The following KYNU variants were observed in gnomAD, a reference collection of about 807,000 sequenced individuals.
KYNU encodes the protein L-kynurenine hydrolase.
In KYNU, 54 loss-of-function variants were observed where a neutral mutation model predicts 59.2. The ratio of observed to expected loss-of-function variants is 0.91; its 90% CI spans 0.73 to 1.14. The LOEUF (loss-of-function observed/expected upper bound fraction) is 1.14. Ranked by LOEUF, KYNU falls within the 50% of genes most tolerant of loss-of-function variation. The pLI is 0.00. For missense variants in KYNU, 567 were observed against 554.4 expected, an observed-to-expected ratio of 1.02 and a Z score of -0.23; for synonymous variants, 177 against 192.0, an observed-to-expected ratio of 0.92 and a Z score of 0.65.
At chr2:142,948,556 T>C (rs1316397710) in intron 4 of KYNU, among the ~76,000 whole-genome samples, 1 of 152,190 alleles carries the variant, frequency 6.6e-6, no homozygotes, top group Non-Finnish European at 1.5e-5. Flanking sequence ...ACATCTTATG[T>C]GGATGGCGAC....
chr2:142,911,997 T>TTTG (rs34163854), intron 2 of KYNU, among the ~76,000 whole-genome samples: 23,089 of 151,658 alleles, frequency 0.15, 2,739 homozygotes, highest in African/African-American at 0.33. Flanking sequence ...GACCCGTAAT[T>TTTG]TTGTTGTTGT....
chr2:142,883,077 G>C (rs575341985), intron 1 of KYNU, among the ~76,000 whole-genome samples: 1 of 150,782 alleles, frequency 6.6e-6, no homozygotes, highest in South Asian at 2.1e-4. Flanking sequence ...AGAGCTAAGT[G>C]GTTTTTATTT....
chr2:142,880,870 G>C (rs1681271630), intron 1 of KYNU, among the ~76,000 whole-genome samples: 1 of 152,206 alleles, frequency 6.6e-6, no homozygotes, highest in Admixed American at 6.5e-5. Flanking sequence ...TGTGTGGGGA[G>C]CCATTTAGAA....
At chr2:142,970,010 T>C (rs1441467734) in intron 8 of KYNU, among the ~76,000 whole-genome samples, 2 of 152,182 alleles carry the variant, frequency 1.3e-5, no homozygotes, top group Admixed American at 6.6e-5. Flanking sequence ...TCTAATTTAT[T>C]CTACCCTCCA....
intron 10 of KYNU, among the ~76,000 whole-genome samples, chr2:143,023,641 T>A (rs2105220616): frequency 6.6e-6 from 1 of 152,006 alleles, no homozygotes; most frequent in Middle Eastern, 3.4e-3. Context: ...TGTGAATTTT[T>A]CAAATTATTG....
chr2:142,950,046 T>G (rs1328011711), intron 4 of KYNU, among the ~76,000 whole-genome samples: 1 of 152,226 alleles, frequency 6.6e-6, no homozygotes, highest in Non-Finnish European at 1.5e-5. Context: ...GCCAGTCTCT[T>G]TGCTAAAACA....
At chr2:142,886,987 G>A (rs761148034) in intron 2 of KYNU, among the ~76,000 whole-genome samples, 14 of 152,116 alleles carry the variant, frequency 9.2e-5, no homozygotes, top group African/African-American at 2.9e-4. Flanking sequence ...TGGTTAACAC[G>A]GTGAAACCCC....
At position 143,048,462 on chromosome 2, in the gene KYNU, TTCTCTCTCTCTCTCTCTG is replaced by T. The variant is rs1165469030; in HGVS notation, c.*6305_*6322del. ...TTTAGTCTAGCTTCCTCCCTCCTCT[TTCTCTCTCTCTCTCTCTG>T]TCTCTCTCTCTCTCACTAATGTTTG... is the stretch of plus-strand genomic sequence containing the variant. On this transcript the variant is annotated 3_prime_UTR_variant, in exon 14 of 14. Coordinates refer to ENST00000264170, the MANE Select transcript of KYNU (RefSeq NM_003937.3). The T allele has an allele frequency of 6.7e-5, 10 of 149,826 alleles. No individual in the cohort carries two copies. The highest frequency in any genetic ancestry group is 2.2e-4 in the African/African-American group (9 of 41,032). The allele number at this position is 149,826 out of a possible 1,614,324, so 9.3% of individuals were successfully genotyped here. A position where few individuals can be genotyped will look rare whatever the true frequency, so the allele number is the denominator to read the frequency against.
chr2:142,947,186 A>T, intron 4 of KYNU: 1 of 1,550,996 alleles, frequency 6.4e-7, no homozygotes, highest in Non-Finnish European at 8.7e-7. Flanking sequence ...TTGCTAACGC[A>T]GACACCTCTG....
chr2:142,975,910 G>T (rs1442762862), intron 8 of KYNU, among the ~76,000 whole-genome samples: 1 of 151,996 alleles, frequency 6.6e-6, no homozygotes, highest in East Asian at 1.9e-4. Context: ...TGATTGTTGT[G>T]CACACTTTTC....
chr2:143,016,329 G>A (rs1686244488), intron 10 of KYNU, among the ~76,000 whole-genome samples: 1 of 152,148 alleles, frequency 6.6e-6, no homozygotes, highest in African/African-American at 2.4e-5. Flanking sequence ...ATTTCAATAT[G>A]TTAATATGTA....
intron 8 of KYNU, among the ~76,000 whole-genome samples, chr2:142,983,971 G>C (rs1685124687): frequency 6.6e-6 from 1 of 151,960 alleles, no homozygotes. Context: ...TATGTAATCA[G>C]AAAAGGCAGG....
rs942852889 is a variant in KYNU at position 143,043,238 on chromosome 2, T to C, written c.*1066T>C. 6.6e-6 allele frequency: 1 copy of C among 152,058 alleles called. No homozygotes were observed. The highest frequency in any genetic ancestry group is 2.4e-5 in the African/African-American group (1 of 41,442). The allele number at this position is 152,058 out of a possible 1,614,324, so 9.4% of individuals were successfully genotyped here. ...GGGGATTAGAGATATAAGAAATATGTGCTCCATCTCTTGACATCTTTATCT... is the reference window on the plus strand; with the variant it reads ...GGGGATTAGAGATATAAGAAATATGCGCTCCATCTCTTGACATCTTTATCT... On this transcript the variant is annotated 3_prime_UTR_variant, in exon 14 of 14. Transcript: ENST00000264170.
chr2:142,979,032 G>A (rs72990722), intron 8 of KYNU, among the ~76,000 whole-genome samples: 159 of 152,232 alleles, frequency 1.0e-3, no homozygotes, highest in African/African-American at 3.8e-3. Context: ...AGTTAGGAAA[G>A]AGTGAGCTAG....
intron 10 of KYNU, among the ~76,000 whole-genome samples, chr2:143,025,515 TAATGTAACCACTGCTCTGAA>T (rs1229083470): frequency 1.3e-5 from 2 of 152,194 alleles, no homozygotes; most frequent in Non-Finnish European, 2.9e-5. Flanking sequence ...GCAGGATACA[TAATGTAACCACTGCTCTGAA>T]AATGGCCCTG....
chr2:142,952,710 T>G (rs1684031528), intron 4 of KYNU, among the ~76,000 whole-genome samples: 1 of 152,152 alleles, frequency 6.6e-6, no homozygotes, highest in South Asian at 2.1e-4. Flanking sequence ...TTATATCCAT[T>G]TTAATCAGAA....
intron 10 of KYNU, among the ~76,000 whole-genome samples, chr2:142,996,978 A>G (rs1685564617): frequency 6.6e-6 from 1 of 152,138 alleles, no homozygotes; most frequent in Non-Finnish European, 1.5e-5. Context: ...GCTTGATGGA[A>G]ATCTGAGCAT....
chr2:143,021,943 G>C (rs1443964449), intron 10 of KYNU, among the ~76,000 whole-genome samples: 1 of 151,712 alleles, frequency 6.6e-6, no homozygotes, highest in East Asian at 1.9e-4. Flanking sequence ...CACTTTTTTG[G>C]TAATATATCT....
At chr2:142,964,316 A>G (rs961356512) in intron 8 of KYNU, among the ~76,000 whole-genome samples, 1 of 152,166 alleles carries the variant, frequency 6.6e-6, no homozygotes. Flanking sequence ...TATACCTAGA[A>G]TTAGAATTCC....
Sources: gnomAD v4.1 joint callset for allele counts (sites outside exome capture counted in the v4.1 genomes callset) on GRCh38, gnomAD v4.1.1 for gene constraint, MANE v1.5 for transcripts, NCBI Gene and HGNC (gene_info 2026-07-23, HGNC 2026-07-21) for gene names.